Variants in CNTNAP4 observed in about 807,000 individuals in gnomAD.
The protein encoded by CNTNAP4 is contactin-associated protein-like 4.
A neutral mutation model predicts 148.4 loss-of-function variants in CNTNAP4; 98 were observed. That is an observed-to-expected ratio of 0.66 (90% CI 0.56 to 0.78). The LOEUF (loss-of-function observed/expected upper bound fraction) is 0.78, where lower values mean the gene tolerates loss of function less well. CNTNAP4 is among the 30% of genes least tolerant of loss of function. CNTNAP4 has a pLI of 0.00. For synonymous variants in CNTNAP4, 730 were observed against 565.1 expected, an observed-to-expected ratio of 1.29 and a Z score of -4.14; for missense variants, 1,935 against 1,565.6, an observed-to-expected ratio of 1.24 and a Z score of -3.98.
intron 3 of CNTNAP4, 24 bp from the exon 4 acceptor site, chr16:76,427,428 G>GTGC: frequency 1.3e-6 from 2 of 1,591,908 alleles, no homozygotes; most frequent in East Asian, 2.3e-5. Flanking sequence ...ATACATTGAT[G>GTGC]TGCTTCTTTC....
At chr16:76,378,272 A>T (rs1014417227) in intron 3 of CNTNAP4, among the ~76,000 whole-genome samples, 1 of 152,108 alleles carries the variant, frequency 6.6e-6, no homozygotes, top group African/African-American at 2.4e-5. Context: ...ATACTCCCTA[A>T]ATCTATCAAA....
chr16:76,323,307 T>C (rs1394240250), intron 2 of CNTNAP4, among the ~76,000 whole-genome samples: 1 of 152,124 alleles, frequency 6.6e-6, no homozygotes, highest in African/African-American at 2.4e-5. Flanking sequence ...ACCTTTTTTT[T>C]TTCCTCAGCA....
At chr16:76,515,335 A>G (rs2083205644) in intron 15 of CNTNAP4, among the ~76,000 whole-genome samples, 1 of 152,218 alleles carries the variant, frequency 6.6e-6, no homozygotes, top group Non-Finnish European at 1.5e-5. Flanking sequence ...ATATTTGAAG[A>G]TAGGGCCTTT....
intron 21 of CNTNAP4, among the ~76,000 whole-genome samples, chr16:76,546,093 C>A (rs576394708): frequency 1.3e-5 from 2 of 151,796 alleles, no homozygotes; most frequent in African/African-American, 4.8e-5. Flanking sequence ...AATAAAGCCC[C>A]GATTAGGCAC....
chr16:76,505,569 C>T (rs1292823053), intron 15 of CNTNAP4, among the ~76,000 whole-genome samples: 4 of 96,800 alleles, frequency 4.1e-5, no homozygotes, highest in African/African-American at 1.0e-4. Flanking sequence ...GGTTTCAGGT[C>T]CTTTTCAACT....
chr16:76,287,270 C>T (rs1319719048), intron 1 of CNTNAP4, among the ~76,000 whole-genome samples: 4 of 152,068 alleles, frequency 2.6e-5, no homozygotes, highest in Admixed American at 6.6e-5. Flanking sequence ...ATTTCATGGT[C>T]AAATACATAC....
intron 10 of CNTNAP4, among the ~76,000 whole-genome samples, chr16:76,474,148 GT>G (rs1360006959): frequency 7.9e-5 from 12 of 152,158 alleles, no homozygotes; most frequent in African/African-American, 2.9e-4. Flanking sequence ...GGCCATCTGT[GT>G]TTGCTTCTTG....
At chr16:76,531,792 T>C (rs1310399830) in intron 17 of CNTNAP4, among the ~76,000 whole-genome samples, 1 of 152,168 alleles carries the variant, frequency 6.6e-6, no homozygotes, top group Admixed American at 6.5e-5. Context: ...AAATTCTAAA[T>C]ACATGTATGA....
In CNTNAP4 at chr16:76,316,446, C is replaced by T. The variant is rs1228639121; in HGVS notation, c.119C>T (p.Pro40Leu). The T allele has an allele frequency of 1.9e-6, 3 of 1,613,868 alleles. No individual in the cohort carries two copies. Among genetic ancestry groups the T allele is most frequent in the Non-Finnish European group, 1.7e-6 (2 of 1,179,800 alleles). The change falls in exon 2 of 24, where the codon CCT (proline) becomes CTT (leucine). Residue 40 changes from proline (P) to leucine (L), a missense_variant. Coordinates refer to ENST00000611870, the MANE Select transcript of CNTNAP4 (RefSeq NM_033401.5). ...GATGATCCTCTTGTGTCTGCCTTGC[C>T]TCAGGCATCCTTCAGCAGTTCTTCC... Reference protein sequence around the residue: ...DCDDPLVSALPQASFSSSSEL... With the variant: ...DCDDPLVSALLQASFSSSSEL...
intron 2 of CNTNAP4, among the ~76,000 whole-genome samples, chr16:76,331,135 T>TG (rs1387571832): frequency 1.3e-5 from 2 of 152,074 alleles, no homozygotes; most frequent in Admixed American, 6.6e-5. Context: ...ATTTTTTTTT[T>TG]TGTGGTCTAC....
chr16:76,282,815 GA>G (rs969426982), intron 1 of CNTNAP4, among the ~76,000 whole-genome samples: 7 of 151,302 alleles, frequency 4.6e-5, no homozygotes, highest in Admixed American at 4.0e-4. Flanking sequence ...ACAGTTTTTT[GA>G]AAAATTAAAT....
chr16:76,343,506 T>G (rs1964656215), intron 2 of CNTNAP4, among the ~76,000 whole-genome samples: 1 of 152,194 alleles, frequency 6.6e-6, no homozygotes, highest in Non-Finnish European at 1.5e-5. Flanking sequence ...CTGCTTTTTC[T>G]AATATAGAAT....
chr16:76,543,313 G>A (rs1179091396), intron 21 of CNTNAP4, among the ~76,000 whole-genome samples: 2 of 152,152 alleles, frequency 1.3e-5, no homozygotes. Flanking sequence ...ATAGCAACAT[G>A]TTACATAGTA....
intron 2 of CNTNAP4, among the ~76,000 whole-genome samples, chr16:76,340,569 C>G (rs1004498033): frequency 5.9e-5 from 9 of 152,144 alleles, no homozygotes; most frequent in Non-Finnish European, 1.0e-4. Flanking sequence ...TTACCCACAT[C>G]ACCAAGTCCT....
Position 76,452,609 on chromosome 16 carries a change from G to A in CNTNAP4, c.1173G>A (p.Glu391=), listed in dbSNP as rs144033719. ...LALPDFSGEE[E]VSATFQFRTW... The stretch of plus-strand genomic sequence containing the variant: ...TGCCAGACTTCTCTGGAGAGGAGGA[G>A]GTTTCTGCCACTTTTCAATTTCGAA... The change falls in exon 8 of 24, where the codon GAG becomes GAA. Residue 391 remains glutamate (E), a synonymous_variant. Coordinates refer to ENST00000611870, the MANE Select transcript of CNTNAP4 (RefSeq NM_033401.5). 2,324 of 1,613,954 alleles carry A rather than the reference G, an allele frequency of 1.4e-3. 5 individuals are homozygous for A. The highest frequency in any genetic ancestry group is 1.8e-3 in the Non-Finnish European group (2,170 of 1,179,866).
At chr16:76,517,796 T>G (rs2083305053) in intron 15 of CNTNAP4, among the ~76,000 whole-genome samples, 1 of 151,868 alleles carries the variant, frequency 6.6e-6, no homozygotes, top group African/African-American at 2.4e-5. Context: ...AGAAGAAACC[T>G]TACCCCTCTG....
At chr16:76,547,181 C>G (rs1257758733) in intron 21 of CNTNAP4, among the ~76,000 whole-genome samples, 4 of 152,038 alleles carry the variant, frequency 2.6e-5, no homozygotes, top group Non-Finnish European at 5.9e-5. Context: ...AGAAATCTCT[C>G]TAGGATGTAA....
intron 2 of CNTNAP4, among the ~76,000 whole-genome samples, chr16:76,335,644 A>C (rs555061106): frequency 1.3e-3 from 205 of 152,304 alleles, no homozygotes; most frequent in Non-Finnish European, 2.2e-3. Flanking sequence ...CTGAATGTGA[A>C]AGATGTGCTT....
At chr16:76,455,025 T>C (rs2080668910) in intron 8 of CNTNAP4, among the ~76,000 whole-genome samples, 2 of 152,320 alleles carry the variant, frequency 1.3e-5, no homozygotes, top group African/African-American at 4.8e-5. Context: ...ATGTACAGTT[T>C]TGCAAATTGT....
Sources: gnomAD v4.1 joint callset for allele counts (sites outside exome capture counted in the v4.1 genomes callset) on GRCh38, gnomAD v4.1.1 for gene constraint, MANE v1.5 for transcripts, NCBI Gene and HGNC (gene_info 2026-07-23, HGNC 2026-07-21) for gene names.